Variants in PREX1 observed in about 807,000 individuals in gnomAD.
PREX1 encodes the protein phosphatidylinositol 3,4,5-trisphosphate-dependent Rac exchanger 1 protein.
A neutral mutation model predicts 198.3 loss-of-function variants in PREX1; 41 were observed. The observed-to-expected ratio is 0.21, with a 90% CI of 0.16 to 0.27. The LOEUF (loss-of-function observed/expected upper bound fraction) is 0.27. Among genes scored for constraint, PREX1 ranks in the 10% least tolerant of loss-of-function variants. PREX1 has a pLI of 1.00. For missense variants in PREX1, 1,620 were observed against 2,200.7 expected, an observed-to-expected ratio of 0.74 and a Z score of 5.28; for synonymous variants, 843 against 887.2, an observed-to-expected ratio of 0.95 and a Z score of 0.89.
At chr20:48,766,434 G>GCT (rs1351733255) in intron 1 of PREX1, among the ~76,000 whole-genome samples, 3 of 152,172 alleles carry the variant, frequency 2.0e-5, no homozygotes, top group Admixed American at 2.0e-4. Flanking sequence ...ATCCAGAAGG[G>GCT]CTCTGCAGGA....
Position 48,639,798 on chromosome 20 carries a change from G to T in PREX1, c.3872C>A (p.Thr1291Asn). The change falls in exon 30 of 40, where the codon ACC (threonine) becomes AAC (asparagine). Residue 1291 changes from threonine (T) to asparagine (N), a missense_variant. Physicochemically the swap from Thr to Asn is moderately conservative, Grantham distance 65 (BLOSUM62 0). This residue lies in a region of PREX1 where 476 missense variants were observed against 603.4 expected (regional missense o/e 0.79). Transcript: ENST00000371941. ...DPWNLPNSIK[T>N]LVDNIQRYVE... The stretch of plus-strand genomic sequence containing the variant: ...ATATCTCTGAATGTTGTCCACCAGG[G>T]TCTTGATGGAGTTGGGGAGGTTCCA... 6.2e-7 allele frequency: 1 copy of T among 1,614,102 alleles called. No individual in the cohort carries two copies. Among genetic ancestry groups the T allele is most frequent in the Non-Finnish European group, 8.5e-7 (1 of 1,179,986 alleles).
chr20:48,741,513 C>A (rs529025591), intron 3 of PREX1, among the ~76,000 whole-genome samples: 1 of 152,176 alleles, frequency 6.6e-6, no homozygotes, highest in South Asian at 2.1e-4. Context: ...GTGCACATTA[C>A]CATGCCCGGC....
the PREX1 span, among the ~76,000 whole-genome samples, chr20:48,874,404 T>C: frequency 6.6e-6 from 1 of 150,404 alleles, no homozygotes; most frequent in Non-Finnish European, 1.5e-5. Flanking sequence ...TGTGTGTGTG[T>C]GTGTGTGTGT....
At chr20:48,737,215 C>CAAAAAAAA (rs140010281) in intron 3 of PREX1, among the ~76,000 whole-genome samples, 2 of 35,300 alleles carry the variant, frequency 5.7e-5, no homozygotes, top group Non-Finnish European at 5.1e-5. Context: ...GTTTTGACAG[C>CAAAAAAAA]AAAAAAAAAA....
intron 6 of PREX1, among the ~76,000 whole-genome samples, chr20:48,703,481 C>T (rs1398454184): frequency 6.6e-6 from 1 of 152,192 alleles, no homozygotes; most frequent in Non-Finnish European, 1.5e-5. Flanking sequence ...CCAGCATCCT[C>T]GCGAACTCCC....
At chr20:48,855,331 G>C in the PREX1 span, among the ~76,000 whole-genome samples, 1 of 152,006 alleles carries the variant, frequency 6.6e-6, no homozygotes, top group Non-Finnish European at 1.5e-5. Flanking sequence ...TTTTGGTTTT[G>C]GTTTTAATAA....
intron 37 of PREX1, among the ~76,000 whole-genome samples, chr20:48,629,072 G>A (rs2089293908): frequency 6.6e-6 from 1 of 152,138 alleles, no homozygotes; most frequent in African/African-American, 2.4e-5. Context: ...CTTCCTCCCT[G>A]GGATGAGCAC....
intron 15 of PREX1, among the ~76,000 whole-genome samples, chr20:48,662,063 G>A (rs761270): frequency 3.9e-5 from 6 of 152,060 alleles, no homozygotes; most frequent in East Asian, 1.9e-4. Flanking sequence ...GAAAGCAGCC[G>A]GGGGCATTTC....
the PREX1 span, among the ~76,000 whole-genome samples, chr20:48,841,738 G>T: frequency 6.6e-6 from 1 of 152,214 alleles, no homozygotes; most frequent in East Asian, 1.9e-4. Flanking sequence ...AACCAGCGGA[G>T]TACAGAGTAT....
chr20:48,649,437 G>A lies in PREX1; in HGVS notation c.3168C>T (p.Thr1056=). The A allele has an allele frequency of 1.2e-6, 2 of 1,614,148 alleles. No homozygotes were observed. Among genetic ancestry groups the A allele is most frequent in the East Asian group, 2.2e-5 (1 of 44,882 alleles). The part of the protein sequence containing the change: ...HDGSFGPASG[T]LGQEDRGLSF... ...TGAGGCCCCGGTCTTCCTGACCAAGGGTCCCACTGGCTGGCCCGAAGCTGC... is the reference window on the plus strand; with the variant it reads ...TGAGGCCCCGGTCTTCCTGACCAAGAGTCCCACTGGCTGGCCCGAAGCTGC... The change falls in exon 25 of 40, where the codon ACC becomes ACT. Residue 1056 remains threonine, a synonymous_variant. Coordinates refer to ENST00000371941, the MANE Select transcript of PREX1 (RefSeq NM_020820.4).
At chr20:48,698,981 A>G (rs2123063892) in intron 7 of PREX1, among the ~76,000 whole-genome samples, 2 of 152,204 alleles carry the variant, frequency 1.3e-5, no homozygotes, top group East Asian at 3.8e-4. Flanking sequence ...TGGCGGGCCT[A>G]GCTCTTAACC....
At chr20:48,792,802 C>CA (rs200047465) in intron 1 of PREX1, among the ~76,000 whole-genome samples, 8,661 of 95,238 alleles carry the variant, frequency 0.091, 425 homozygotes, top group African/African-American at 0.14. Flanking sequence ...AAGCCAGATA[C>CA]AAAAAAAAAA....
At chr20:48,856,180 G>T in the PREX1 span, among the ~76,000 whole-genome samples, 4 of 152,174 alleles carry the variant, frequency 2.6e-5, no homozygotes, top group Non-Finnish European at 4.4e-5. Context: ...TAAGTCTGGA[G>T]CGGCAGACAA....
intron 5 of PREX1, among the ~76,000 whole-genome samples, chr20:48,723,128 G>A (rs2122687581): frequency 6.6e-6 from 1 of 152,340 alleles, no homozygotes; most frequent in Admixed American, 6.5e-5. Flanking sequence ...GCTTTTGGGG[G>A]CTGTTCCCAA....
At chr20:48,739,561 A>T (rs2090071881) in intron 3 of PREX1, among the ~76,000 whole-genome samples, 2 of 152,190 alleles carry the variant, frequency 1.3e-5, no homozygotes, top group South Asian at 4.1e-4. Flanking sequence ...TGTTCTTCAC[A>T]GTCTGCACTG....
the PREX1 span, among the ~76,000 whole-genome samples, chr20:48,879,728 C>A: frequency 1.3e-5 from 2 of 152,208 alleles, no homozygotes; most frequent in South Asian, 2.1e-4. Flanking sequence ...AACTATGTAA[C>A]CTCTTCTGAT....
rs551896258 is a variant in PREX1, at chr20:48,704,836, G to A, written c.783+3424C>T. 2.0e-5 allele frequency among the ~76,000 whole-genome samples: 3 copies of A among 152,296 alleles called. No homozygotes were observed. In the East Asian group the frequency reaches 5.8e-4, roughly 29 times the overall value. ...CTCCCACAGTGCTAGGATTACAGGT[G>A]TGAGCCACCGCGCCAGGCTTGTTTC... is the stretch of plus-strand genomic sequence containing the variant. On this transcript the variant is annotated intron_variant, in intron 6 of 39. Coordinates refer to ENST00000371941, the MANE Select transcript of PREX1 (RefSeq NM_020820.4).
intron 6 of PREX1, among the ~76,000 whole-genome samples, chr20:48,706,605 G>C (rs2089904019): frequency 6.6e-6 from 1 of 152,120 alleles, no homozygotes; most frequent in South Asian, 2.1e-4. Context: ...CTCCGGTTTT[G>C]AACACATGGT....
At chr20:48,700,991 C>G in intron 6 of PREX1, 105 bp from the exon 7 acceptor site, 3 of 1,466,524 alleles carry the variant, frequency 2.0e-6, no homozygotes, top group Non-Finnish European at 1.9e-6. Flanking sequence ...CCAAAAACTC[C>G]ACCAGCAAGT....
Sources: gnomAD v4.1 joint callset for allele counts (sites outside exome capture counted in the v4.1 genomes callset) on GRCh38, gnomAD v4.1.1 for gene constraint, gnomAD v4.1.1 regional missense constraint, MANE v1.5 for transcripts, NCBI Gene and HGNC (gene_info 2026-07-23, HGNC 2026-07-21) for gene names.